Variants in CCDC171 observed in about 807,000 individuals in gnomAD.
CCDC171 encodes the protein coiled-coil domain-containing protein 171.
In CCDC171, 177 loss-of-function variants were observed where a neutral mutation model predicts 168.2. The observed-to-expected ratio is 1.05, with a 90% CI of 0.93 to 1.19. The LOEUF is 1.19. Ranked by LOEUF, CCDC171 falls within the 50% of genes most tolerant of loss-of-function variation. The probability of loss-of-function intolerance (pLI) is 0.00; values close to 1 mark genes in which losing one functional copy is unlikely to be tolerated. For synonymous variants in CCDC171, 687 were observed against 540.8 expected (o/e 1.27, Z -3.75); for missense variants, 1,991 against 1,539.0 (o/e 1.29, Z -4.91).
intron 21 of CCDC171, among the ~76,000 whole-genome samples, chr9:15,815,168 A>G (rs895933255): frequency 6.6e-6 from 1 of 152,018 alleles, no homozygotes. Context: ...CTTGTCTTTC[A>G]TCCCATCAAG....
At chr9:15,692,100 G>A (rs1258129061) in intron 10 of CCDC171, among the ~76,000 whole-genome samples, 1 of 152,146 alleles carries the variant, frequency 6.6e-6, no homozygotes, top group African/African-American at 2.4e-5. Context: ...TTTTGGTCAG[G>A]TGTGGTGGCT....
rs528286352 is a variant in CCDC171 at position 15,675,017 on chromosome 9, G to A, written c.1077-3741G>A. On this transcript the variant is annotated intron_variant, in intron 9 of 25. Transcript: ENST00000380701. ...TCTAAGTCTCTTTGTAGGTCTCTAAGGACTTGCTTTATGAATCTGGGTGCT... is the reference window on the plus strand; with the variant it reads ...TCTAAGTCTCTTTGTAGGTCTCTAAAGACTTGCTTTATGAATCTGGGTGCT... Among the ~76,000 whole-genome samples, 85 of 152,176 alleles carry A rather than the reference G, an allele frequency of 5.6e-4. 1 individual carries two copies. The highest frequency in any genetic ancestry group is 2.0e-3 in the African/African-American group (81 of 41,508).
At chr9:16,059,576 G>A (rs1396747993) in intron 1 of CCDC171, among the ~76,000 whole-genome samples, 22 of 137,296 alleles carry the variant, frequency 1.6e-4, no homozygotes, top group African/African-American at 3.8e-4. Flanking sequence ...CTGCAGTGGC[G>A]CAATCTCGGC....
At chr9:15,963,250 G>A (rs956692135) in intron 25 of CCDC171, among the ~76,000 whole-genome samples, 5 of 151,958 alleles carry the variant, frequency 3.3e-5, no homozygotes, top group African/African-American at 1.2e-4. Flanking sequence ...GTTACTGGGT[G>A]CAGCACACCA....
At chr9:15,698,190 C>G (rs2051367905) in intron 11 of CCDC171, among the ~76,000 whole-genome samples, 1 of 152,146 alleles carries the variant, frequency 6.6e-6, no homozygotes, top group South Asian at 2.1e-4. Flanking sequence ...CTACTCTCTA[C>G]CTCTGTGAGA....
At position 15,590,217 on chromosome 9, in the gene CCDC171, T is replaced by C. The variant is rs558106968; in HGVS notation, c.353-1149T>C. On this transcript the variant is annotated intron_variant, in intron 4 of 25. Coordinates refer to ENST00000380701, the MANE Select transcript of CCDC171 (RefSeq NM_173550.4). ...GGCAGCTGAATGGGAGGGGGACTTT[T>C]AATGTATTTCCTTTTGTACCTTTTA... is the stretch of plus-strand genomic sequence containing the variant. Among the ~76,000 whole-genome samples, 5 of 152,344 alleles carry C rather than the reference T, an allele frequency of 3.3e-5. No individual in the cohort carries two copies. The South Asian group carries it at 1.0e-3, about 32-fold the overall frequency.
chr9:15,599,257 G>T (rs1395438381), intron 6 of CCDC171, among the ~76,000 whole-genome samples: 1 of 152,094 alleles, frequency 6.6e-6, no homozygotes, highest in Non-Finnish European at 1.5e-5. Flanking sequence ...TGGTCTTTAC[G>T]ATTTGGCATG....
At chr9:15,750,625 T>C (rs1373303939) in intron 18 of CCDC171, among the ~76,000 whole-genome samples, 1 of 151,710 alleles carries the variant, frequency 6.6e-6, no homozygotes, top group Non-Finnish European at 1.5e-5. Context: ...TGGTTCAACA[T>C]GTGCAAATTA....
chr9:15,862,501 C>A (rs981420260), intron 23 of CCDC171, among the ~76,000 whole-genome samples: 2 of 151,938 alleles, frequency 1.3e-5, no homozygotes, highest in Non-Finnish European at 1.5e-5. Context: ...AATTCTCTTT[C>A]AGATAATTAA....
intron 6 of CCDC171, among the ~76,000 whole-genome samples, chr9:15,612,456 A>G (rs182316059): frequency 4.5e-4 from 69 of 152,232 alleles, no homozygotes; most frequent in Admixed American, 9.8e-4. Context: ...ATGATTAGCT[A>G]TGTTTAATCA....
chr9:15,685,693 C>T (rs895301635), intron 10 of CCDC171, among the ~76,000 whole-genome samples: 8 of 151,974 alleles, frequency 5.3e-5, no homozygotes, highest in Non-Finnish European at 1.0e-4. Flanking sequence ...AAAATCCTGA[C>T]ACTTTTACTG....
At chr9:15,641,768 A>G (rs2046624184) in intron 7 of CCDC171, among the ~76,000 whole-genome samples, 2 of 152,224 alleles carry the variant, frequency 1.3e-5, no homozygotes, top group African/African-American at 4.8e-5. Flanking sequence ...AACACCTACT[A>G]TTTACTAAAA....
chr9:15,757,663 C>T (rs1054889305), intron 18 of CCDC171, among the ~76,000 whole-genome samples: 2 of 152,294 alleles, frequency 1.3e-5, no homozygotes, highest in Non-Finnish European at 1.5e-5. Flanking sequence ...GAGGTCTTCA[C>T]GGAAGCCCTT....
chr9:16,079,143 G>A, the CCDC171 span, among the ~76,000 whole-genome samples: 3 of 152,198 alleles, frequency 2.0e-5, no homozygotes, highest in African/African-American at 7.2e-5. Flanking sequence ...ACCAATCATT[G>A]TTTTGTAAAA....
intron 18 of CCDC171, among the ~76,000 whole-genome samples, chr9:15,760,310 T>C (rs2056374330): frequency 6.6e-6 from 1 of 152,160 alleles, no homozygotes. Context: ...TAAAAAACAT[T>C]CAGTCTTTTT....
chr9:15,757,145 G>A (rs566728664), intron 18 of CCDC171, among the ~76,000 whole-genome samples: 4 of 152,318 alleles, frequency 2.6e-5, no homozygotes, highest in Non-Finnish European at 5.9e-5. Context: ...TGGGTAACAG[G>A]CAGAGGTTGA....
chr9:16,049,508 T>G (rs1048492430), intron 1 of CCDC171, among the ~76,000 whole-genome samples: 11 of 152,160 alleles, frequency 7.2e-5, no homozygotes, highest in African/African-American at 2.7e-4. Context: ...AAACTGGTCT[T>G]TCTCTGAAGC....
At chr9:15,604,095 G>GT (rs35687141) in intron 6 of CCDC171, among the ~76,000 whole-genome samples, 77,174 of 145,624 alleles carry the variant, frequency 0.53, 20,433 homozygotes, top group East Asian at 0.72. Flanking sequence ...CTTTTTGATG[G>GT]TTTTTTTTTT....
chr9:15,698,989 A>G (rs977213709), intron 11 of CCDC171, among the ~76,000 whole-genome samples: 7 of 152,186 alleles, frequency 4.6e-5, no homozygotes, highest in African/African-American at 1.7e-4. Context: ...CTTTGGATAA[A>G]TATCTGTAGT....
Sources: gnomAD v4.1 joint callset for allele counts (sites outside exome capture counted in the v4.1 genomes callset) on GRCh38, gnomAD v4.1.1 for gene constraint, MANE v1.5 for transcripts, NCBI Gene and HGNC (gene_info 2026-07-23, HGNC 2026-07-21) for gene names.